Variants in MECOM observed in about 807,000 individuals in gnomAD.
The protein encoded by MECOM is MDS1 and EVI1 complex locus.
In MECOM, 13 loss-of-function variants were observed where a neutral mutation model predicts 116.3. The observed-to-expected ratio is 0.11, with a 90% CI of 0.07 to 0.18. The LOEUF is 0.18. Among genes scored for constraint, MECOM ranks in the 10% least tolerant of loss-of-function variants. The pLI, the probability that MECOM is intolerant of heterozygous loss-of-function variation, is 1.00. For missense variants in MECOM, 1,299 were observed against 1,509.0 expected (o/e 0.86, Z 2.31); for synonymous variants, 528 against 535.2 (o/e 0.99, Z 0.19).
intron 6 of MECOM, 45 bp downstream of exon 6, chr3:169,122,535 G>A: frequency 6.2e-7 from 1 of 1,608,256 alleles, no homozygotes; most frequent in Non-Finnish European, 8.5e-7. Context: ...TTAAGAGAGA[G>A]CAGGATGACA....
At chr3:169,298,010 C>T (rs1715963494) in intron 2 of MECOM, among the ~76,000 whole-genome samples, 1 of 152,130 alleles carries the variant, frequency 6.6e-6, no homozygotes, top group East Asian at 1.9e-4. Flanking sequence ...GGAACATCAC[C>T]ATAAAAACTG....
chr3:169,587,133 G>T (rs73174369), intron 1 of MECOM, among the ~76,000 whole-genome samples: 1 of 152,006 alleles, frequency 6.6e-6, no homozygotes, highest in East Asian at 1.9e-4. Flanking sequence ...CCTAATAAAA[G>T]GTGGGGTCAG....
At chr3:169,457,702 A>G (rs960033717) in intron 1 of MECOM, among the ~76,000 whole-genome samples, 5 of 152,196 alleles carry the variant, frequency 3.3e-5, no homozygotes, top group Non-Finnish European at 5.9e-5. Context: ...AATTATTACT[A>G]AAAATGTCAC....
chr3:169,533,377 A>T (rs1167880527), intron 1 of MECOM, among the ~76,000 whole-genome samples: 1 of 152,128 alleles, frequency 6.6e-6, no homozygotes, highest in East Asian at 1.9e-4. Flanking sequence ...GGGACTGTTG[A>T]CGGAAAATGT....
At chr3:169,214,841 A>G (rs1194912238) in intron 2 of MECOM, among the ~76,000 whole-genome samples, 1 of 148,182 alleles carries the variant, frequency 6.7e-6, no homozygotes, top group Non-Finnish European at 1.5e-5. Flanking sequence ...TTTTATATAT[A>G]TAATCTATAG....
intron 1 of MECOM, among the ~76,000 whole-genome samples, chr3:169,399,427 C>T (rs1735521644): frequency 6.6e-6 from 1 of 152,142 alleles, no homozygotes; most frequent in African/African-American, 2.4e-5. Context: ...AGAATGCTTG[C>T]CCAAGTAAGT....
chr3:169,540,331 A>T (rs562499758), intron 1 of MECOM, among the ~76,000 whole-genome samples: 23 of 151,994 alleles, frequency 1.5e-4, no homozygotes, highest in African/African-American at 5.5e-4. Context: ...CCTTCTAAAC[A>T]TCTTGTAACT....
intron 1 of MECOM, among the ~76,000 whole-genome samples, chr3:169,494,708 G>A (rs1461971841): frequency 6.6e-6 from 1 of 152,218 alleles, no homozygotes; most frequent in Non-Finnish European, 1.5e-5. Context: ...AGAGGACAGT[G>A]AGGGACCCTG....
intron 2 of MECOM, among the ~76,000 whole-genome samples, chr3:169,157,486 T>G (rs576656891): frequency 1.3e-4 from 20 of 152,334 alleles, no homozygotes; most frequent in Admixed American, 6.5e-4. Flanking sequence ...ATCCATTTAG[T>G]GAGTGTCACA....
intron 2 of MECOM, chr3:169,145,905 C>A (rs1739757272): frequency 4.6e-6 from 1 of 215,924 alleles, no homozygotes; most frequent in Non-Finnish European, 9.3e-6. Context: ...ATTTCACCAT[C>A]ATATTAACAT....
At chr3:169,477,205 T>C (rs563420176) in intron 1 of MECOM, among the ~76,000 whole-genome samples, 1 of 146,312 alleles carries the variant, frequency 6.8e-6, no homozygotes, top group East Asian at 2.0e-4. Flanking sequence ...AAGGTCTAGG[T>C]AGATTCCTAG....
chr3:169,454,279 C>A (rs1162217007), intron 1 of MECOM, among the ~76,000 whole-genome samples: 2 of 151,504 alleles, frequency 1.3e-5, no homozygotes, highest in Non-Finnish European at 2.9e-5. Flanking sequence ...TAATTGAAAT[C>A]CCTAATGGTT....
chr3:169,386,440 C>T (rs142902077), intron 1 of MECOM, among the ~76,000 whole-genome samples: 14 of 152,194 alleles, frequency 9.2e-5, no homozygotes, highest in African/African-American at 3.4e-4. Context: ...TTTTTCGATC[C>T]TTAAAGATAT....
chr3:169,485,046 G>C (rs1284235415), intron 1 of MECOM, among the ~76,000 whole-genome samples: 1 of 152,070 alleles, frequency 6.6e-6, no homozygotes, highest in Non-Finnish European at 1.5e-5. Context: ...CCAAGCTGGA[G>C]TGAAGTGGTA....
chr3:169,600,725 T>C (rs943334436), intron 1 of MECOM, among the ~76,000 whole-genome samples: 1 of 152,246 alleles, frequency 6.6e-6, no homozygotes, highest in Non-Finnish European at 1.5e-5. Flanking sequence ...TAAAATGTTC[T>C]CTTTTTGCTC....
chr3:169,299,490 T>G (rs1022340146), intron 2 of MECOM, among the ~76,000 whole-genome samples: 4 of 152,150 alleles, frequency 2.6e-5, no homozygotes, highest in Non-Finnish European at 5.9e-5. Flanking sequence ...TGGGTTTGAG[T>G]CGCCATTGTA....
At chr3:169,349,739 A>G (rs1466700278) in intron 2 of MECOM, among the ~76,000 whole-genome samples, 4 of 151,936 alleles carry the variant, frequency 2.6e-5, no homozygotes, top group Admixed American at 2.6e-4. Flanking sequence ...GATATTGTCT[A>G]AGGAAAGAAA....
intron 2 of MECOM, among the ~76,000 whole-genome samples, chr3:169,215,806 T>C (rs913686359): frequency 6.6e-6 from 1 of 152,216 alleles, no homozygotes; most frequent in Non-Finnish European, 1.5e-5. Context: ...GGGAACCACT[T>C]TGAAGACAAA....
chr3:169,447,540 C>T (rs1044771944), intron 1 of MECOM, among the ~76,000 whole-genome samples: 3 of 152,124 alleles, frequency 2.0e-5, no homozygotes, highest in Admixed American at 6.6e-5. Flanking sequence ...CTTTATAAAG[C>T]GTCTACTGTG....
Sources: allele counts gnomAD v4.1 joint callset (sites outside exome capture counted in the v4.1 genomes callset), GRCh38; gene constraint gnomAD v4.1.1; transcripts MANE v1.5; gene names NCBI Gene and HGNC (gene_info 2026-07-23, HGNC 2026-07-21).